Variants in CACNA1C observed in about 807,000 individuals in gnomAD.
CACNA1C encodes the protein voltage-dependent L-type calcium channel subunit alpha-1C.
CACNA1C carries 30 observed loss-of-function variants against 229.0 expected under a neutral mutation model. That is an observed-to-expected ratio of 0.13 (90% CI 0.10 to 0.18). The LOEUF (loss-of-function observed/expected upper bound fraction) is 0.18, where lower values mean the gene tolerates loss of function less well. Ranked by LOEUF, CACNA1C falls within the 10% of genes least tolerant of loss-of-function variation. The probability of loss-of-function intolerance (pLI) is 1.00; values close to 1 mark genes in which losing one functional copy is unlikely to be tolerated. For missense variants in CACNA1C, 1,658 were observed against 2,845.0 expected (o/e 0.58, Z 9.49); for synonymous variants, 1,114 against 1,132.5 (o/e 0.98, Z 0.33).
At chr12:2,428,440 C>G (rs1176101339) in intron 3 of CACNA1C, among the ~76,000 whole-genome samples, 2 of 152,222 alleles carry the variant, frequency 1.3e-5, no homozygotes, top group African/African-American at 2.4e-5. Context: ...ATGTCACTCA[C>G]CTGGTATTTA....
chr12:2,470,514 C>G (rs1482785637), intron 5 of CACNA1C, among the ~76,000 whole-genome samples: 1 of 152,130 alleles, frequency 6.6e-6, no homozygotes, highest in East Asian at 1.9e-4. Flanking sequence ...TTGGTTGATT[C>G]TCTCGTGCTG....
Position 2,630,623 on chromosome 12 carries a change from G to A in CACNA1C, c.3829-3674G>A, listed in dbSNP as rs1012075962. Among the ~76,000 whole-genome samples, 2 of 152,168 alleles carry A rather than the reference G, an allele frequency of 1.3e-5. No homozygotes were observed. Among genetic ancestry groups the A allele is most frequent in the African/African-American group, 2.4e-5 (1 of 41,446 alleles). Reference sequence around the variant, plus strand: ...GGGCTCTGGGCACCAAAGGCAGGACGGTGGGAGGATGGGTCAGGGTGAAGA... The same window carrying A: ...GGGCTCTGGGCACCAAAGGCAGGACAGTGGGAGGATGGGTCAGGGTGAAGA... On this transcript the variant is annotated intron_variant, in intron 29 of 46. Transcript: ENST00000399655. This position sits in a 1 kb window ranked among gnomAD's most constrained non-coding sequence, Gnocchi z 5.4.
At position 2,691,220 on chromosome 12, in the gene CACNA1C, C is replaced by T. The variant is rs1569305483; in HGVS notation, c.*21C>T. 4.0e-6 allele frequency: 6 copies of T among 1,517,560 alleles called. No individual in the cohort carries two copies. Among genetic ancestry groups the T allele is most frequent in the Non-Finnish European group, 5.3e-6 (6 of 1,135,166 alleles). 94.0% of individuals were successfully genotyped at this position (1,517,560 alleles called of 1,614,324 possible). A position where few individuals can be genotyped will look rare whatever the true frequency, so the allele number is the denominator to read the frequency against. On this transcript the variant is annotated 3_prime_UTR_variant, in exon 47 of 47. Transcript: ENST00000399655. Reference sequence around the variant, plus strand: ...TGTAGTGGGCGCTGCCAGATGCGGGCTTTTTTTTATTTGTTTCAATGTTCC... The same window carrying T: ...TGTAGTGGGCGCTGCCAGATGCGGGTTTTTTTTTATTTGTTTCAATGTTCC...
Position 2,054,271 on chromosome 12 carries a change from C to A in CACNA1C, c.49+660C>A, listed in dbSNP as rs531769130. 2.0e-5 allele frequency among the ~76,000 whole-genome samples: 3 copies of A among 152,302 alleles called. No individual in the cohort carries two copies. In the South Asian group the frequency reaches 6.2e-4, roughly 32 times the overall value. The stretch of plus-strand genomic sequence containing the variant: ...TCCCTCCTCCGCCGCTCACCTACAC[C>A]CACCCACCTCTCCACTGCTGTTGAC... On this transcript the variant is annotated intron_variant, in intron 1 of 46. Transcript: ENST00000399655. The surrounding 1 kb of genome is among the most constrained non-coding windows in gnomAD (Gnocchi z 5.5).
At chr12:2,567,141 A>G (rs1462399930) in intron 12 of CACNA1C, among the ~76,000 whole-genome samples, 1 of 152,200 alleles carries the variant, frequency 6.6e-6, no homozygotes, top group Admixed American at 6.5e-5. Context: ...CATCCTCCAC[A>G]GCTGCTTTCC....
At chr12:2,088,870 T>G (rs908879770) in intron 1 of CACNA1C, among the ~76,000 whole-genome samples, 3 of 152,126 alleles carry the variant, frequency 2.0e-5, no homozygotes, top group Admixed American at 1.3e-4. Flanking sequence ...CACTGCAGCG[T>G]GGAGGGAATA....
At chr12:2,458,981 CTTT>C (rs71057826) in intron 5 of CACNA1C, among the ~76,000 whole-genome samples, 1 of 105,596 alleles carries the variant, frequency 9.5e-6, no homozygotes, top group Admixed American at 1.1e-4. Flanking sequence ...CTTTTTCTTT[CTTT>C]TTTTTTTTTT....
chr12:2,219,843 C>T (rs1314831471), intron 3 of CACNA1C, among the ~76,000 whole-genome samples: 1 of 152,080 alleles, frequency 6.6e-6, no homozygotes, highest in Non-Finnish European at 1.5e-5. Flanking sequence ...TACAAGCAGC[C>T]TTTTGGCCTG....
chr12:1,991,058 T>G (rs2039279640), intron 1 of CACNA1C: 2 of 454,802 alleles, frequency 4.4e-6, no homozygotes, highest in African/African-American at 4.0e-5. Context: ...GTTGTTCAAC[T>G]GATTCTATTT....
intron 3 of CACNA1C, among the ~76,000 whole-genome samples, chr12:2,320,564 C>T (rs1462200879): frequency 6.6e-6 from 1 of 152,192 alleles, no homozygotes; most frequent in African/African-American, 2.4e-5. Context: ...TAGTGGATAC[C>T]GTAAGGGGCT....
chr12:2,453,592 G>C (rs2099397729), intron 4 of CACNA1C, among the ~76,000 whole-genome samples: 1 of 152,050 alleles, frequency 6.6e-6, no homozygotes, highest in African/African-American at 2.4e-5. Context: ...CAAAATTATT[G>C]AGTCATCCCT....
At chr12:2,038,756 A>G (rs2049575628) in intron 1 of CACNA1C, among the ~76,000 whole-genome samples, 1 of 152,336 alleles carries the variant, frequency 6.6e-6, no homozygotes, top group African/African-American at 2.4e-5. Flanking sequence ...GTAGAAATAA[A>G]TCTGGCTTAC....
intron 3 of CACNA1C, among the ~76,000 whole-genome samples, chr12:2,337,084 G>A (rs2096719511): frequency 6.6e-6 from 1 of 152,158 alleles, no homozygotes; most frequent in Non-Finnish European, 1.5e-5. Flanking sequence ...AGGTACTAGG[G>A]GACTGGTTTC....
intron 3 of CACNA1C, among the ~76,000 whole-genome samples, chr12:2,443,433 G>A (rs1471397479): frequency 6.6e-6 from 1 of 152,186 alleles, no homozygotes; most frequent in Non-Finnish European, 1.5e-5. Flanking sequence ...GAAAGTCTGG[G>A]TGTTTCCATG....
intron 13 of CACNA1C, among the ~76,000 whole-genome samples, chr12:2,569,911 C>T (rs539303183): frequency 6.6e-6 from 1 of 152,250 alleles, no homozygotes; most frequent in African/African-American, 2.4e-5. Flanking sequence ...TTTCCACCAG[C>T]AATGTATAAG....
chr12:2,461,134 T>C (rs908558527), intron 5 of CACNA1C, among the ~76,000 whole-genome samples: 1 of 152,214 alleles, frequency 6.6e-6, no homozygotes, highest in African/African-American at 2.4e-5. Context: ...TTGAATCCAC[T>C]CTGATGGGGC....
chr12:2,554,652 T>C (rs531801533), intron 10 of CACNA1C, among the ~76,000 whole-genome samples: 1 of 152,294 alleles, frequency 6.6e-6, no homozygotes, highest in African/African-American at 2.4e-5. Context: ...GTCCTCTCAC[T>C]GCAGGAGCAC....
intron 1 of CACNA1C, among the ~76,000 whole-genome samples, chr12:2,091,218 A>T (rs575294605): frequency 1.5e-4 from 23 of 152,252 alleles, no homozygotes; most frequent in Non-Finnish European, 2.6e-4. Context: ...ACTTGTCCCC[A>T]TTGGCCATAT....
rs557589775 is a variant in CACNA1C at position 2,099,772 on chromosome 12, C to T, written c.50-15452C>T. ...CCCACTCTGGAAGGGGGCAGACACG[C>T]TGCCTGCCTGCCAACCTGCCTGAGG... On this transcript the variant is annotated intron_variant, in intron 1 of 46. Coordinates refer to ENST00000399655, the MANE Select transcript of CACNA1C (RefSeq NM_000719.7). Among the ~76,000 whole-genome samples the T allele has an allele frequency of 5.3e-5, 8 of 152,110 alleles. No homozygotes were observed. The South Asian group carries it at 1.2e-3, about 24-fold the overall frequency.
Sources: allele counts gnomAD v4.1 joint callset (sites outside exome capture counted in the v4.1 genomes callset), GRCh38; gene constraint gnomAD v4.1.1; non-coding constraint Gnocchi (gnomAD v3.1); transcripts MANE v1.5; gene names NCBI Gene and HGNC (gene_info 2026-07-23, HGNC 2026-07-21).